SLC6A15: variants seen among roughly 807,000 people sequenced by gnomAD.
SLC6A15 encodes the protein sodium-dependent neutral amino acid transporter B(0)AT2.
Under a neutral mutation model 68.5 loss-of-function variants are expected in SLC6A15, and 33 were observed. The ratio of observed to expected loss-of-function variants is 0.48; its 90% CI spans 0.37 to 0.64. SLC6A15 has a LOEUF of 0.64. SLC6A15 is among the 30% of genes least tolerant of loss of function. The probability of loss-of-function intolerance (pLI) is 0.00; values close to 1 mark genes in which losing one functional copy is unlikely to be tolerated. For missense variants in SLC6A15, 747 were observed against 874.3 expected, an observed-to-expected ratio of 0.85 and a Z score of 1.84; for synonymous variants, 347 against 301.0, an observed-to-expected ratio of 1.15 and a Z score of -1.58.
intron 6 of SLC6A15, among the ~76,000 whole-genome samples, chr12:84,875,649 CATATATATATATATATATAT>C (rs1871485275): frequency 1.3e-5 from 1 of 74,180 alleles, no homozygotes; most frequent in Non-Finnish European, 2.5e-5. Flanking sequence ...TGGGGTGCAC[CATATATATATATATATATAT>C]ATATATATAT....
At chr12:84,875,700 G>GAATCA (rs1871499490) in intron 6 of SLC6A15, among the ~76,000 whole-genome samples, 2 of 8,500 alleles carry the variant, frequency 2.4e-4, no homozygotes, top group African/African-American at 1.3e-3. Flanking sequence ...ATATATATAT[G>GAATCA]AGAATCAAAA....
chr12:84,898,266 G>A (rs1344632129), intron 1 of SLC6A15, among the ~76,000 whole-genome samples: 3 of 152,176 alleles, frequency 2.0e-5, no homozygotes, highest in Non-Finnish European at 2.9e-5. Flanking sequence ...ACTTGAGCCA[G>A]GAGGTGGATG....
intron 1 of SLC6A15, among the ~76,000 whole-genome samples, chr12:84,904,224 G>GGAGAGAGAGAGAGAGA (rs370457657): frequency 0.13 from 15,439 of 121,490 alleles, 1,145 homozygotes; most frequent in African/African-American, 0.18. Flanking sequence ...GGGCGGAGGG[G>GGAGAGAGAGAGAGAGA]GAGAGAGAGA....
intron 6 of SLC6A15, chr12:84,874,339 A>G (rs1871419940): frequency 6.6e-6 from 1 of 152,178 alleles, no homozygotes; most frequent in African/African-American, 2.4e-5. Context: ...CACACTCTAA[A>G]AATGCTCAGT....
At chr12:84,896,409 C>T (rs962253988) in intron 1 of SLC6A15, among the ~76,000 whole-genome samples, 2 of 152,084 alleles carry the variant, frequency 1.3e-5, no homozygotes, top group Non-Finnish European at 1.5e-5. Context: ...TATCCATGCC[C>T]GTAGATTTAC....
At position 84,872,633 on chromosome 12, in the gene SLC6A15, T is replaced by C; in HGVS notation, c.1271A>G (p.Asn424Ser). Residue 424 changes from asparagine to serine, a missense_variant, in exon 8 of 12, where the codon AAT becomes AGT. Transcript: ENST00000266682. Reference sequence around the variant, plus strand: ...TAGCTCTTCTTCAATTTTACAGGAATTGAGATGAAGAGCAGGAAACTCTTC... The same window carrying C: ...TAGCTCTTCTTCAATTTTACAGGAACTGAGATGAAGAGCAGGAAACTCTTC... ...KEEEFPALHL[N>S]SCKIEEELNK... is the part of the protein sequence containing the mutation. The C allele has an allele frequency of 2.5e-6, 4 of 1,608,752 alleles. No homozygotes were observed. The highest frequency in any genetic ancestry group is 1.1e-5 in the South Asian group (1 of 89,640).
chr12:84,894,576 A>G (rs1872555305), intron 1 of SLC6A15, among the ~76,000 whole-genome samples: 1 of 152,156 alleles, frequency 6.6e-6, no homozygotes, highest in South Asian at 2.1e-4. Context: ...AAATAGTGTG[A>G]ACCATGAATC....
chr12:84,885,809 G>T lies in SLC6A15; in HGVS notation c.447+102C>A, dbSNP rs1682386923. Reference sequence around the variant, plus strand: ...TAACGTTTTCTAAAACATAGTAAAAGAGTTGTTTATTAACACACACTCCAA... The same window carrying T: ...TAACGTTTTCTAAAACATAGTAAAATAGTTGTTTATTAACACACACTCCAA... On this transcript the variant is annotated intron_variant, in intron 3 of 11. Coordinates refer to ENST00000266682, the MANE Select transcript of SLC6A15 (RefSeq NM_182767.6). 18 of 1,210,178 alleles carry T rather than the reference G, an allele frequency of 1.5e-5. No homozygotes were observed. In the South Asian group the frequency reaches 3.0e-4, roughly 20 times the overall value. The allele number at this position is 1,210,178 out of a possible 1,614,324, so 75.0% of individuals were successfully genotyped here.
chr12:84,905,283 T>C (rs1873088835), intron 1 of SLC6A15, among the ~76,000 whole-genome samples: 1 of 152,134 alleles, frequency 6.6e-6, no homozygotes, highest in African/African-American at 2.4e-5. Flanking sequence ...ATATGTGATA[T>C]ACAATAATGA....
chr12:84,865,275 G>C (rs933164732), intron 10 of SLC6A15, among the ~76,000 whole-genome samples: 1 of 152,154 alleles, frequency 6.6e-6, no homozygotes, highest in African/African-American at 2.4e-5. Context: ...AGTTAACAAG[G>C]AGTATTTTTT....
Position 84,870,494 on chromosome 12 carries a change from C to T in SLC6A15, c.1479G>A (p.Arg493=). The change falls in exon 9 of 12, where the codon AGG becomes AGA. Residue 493 remains arginine (R), a synonymous_variant. Coordinates refer to ENST00000266682, the MANE Select transcript of SLC6A15 (RefSeq NM_182767.6). ...AAAACTCACCAGTAAGAATTTCTTT[C>T]CTCACTTTGAAAGTGTCCACAATAG... is the stretch of plus-strand genomic sequence containing the variant. ...VTPIVDTFKV[R]KEILTVICCL... 2 of 1,522,002 alleles carry T rather than the reference C, an allele frequency of 1.3e-6. No individual in the cohort carries two copies. The highest frequency in any genetic ancestry group is 1.8e-6 in the Non-Finnish European group (2 of 1,133,494). The allele number at this position is 1,522,002 out of a possible 1,614,324, so 94.3% of individuals were successfully genotyped here. A position where few individuals can be genotyped will look rare whatever the true frequency, so the allele number is the denominator to read the frequency against.
chr12:84,879,470 C>A (rs1249493247), intron 5 of SLC6A15, among the ~76,000 whole-genome samples: 1 of 151,686 alleles, frequency 6.6e-6, no homozygotes, highest in Non-Finnish European at 1.5e-5. Flanking sequence ...GGATTACAGG[C>A]ACCTGCCACC....
intron 7 of SLC6A15, 121 bp from the exon 8 acceptor site, chr12:84,872,915 T>A: frequency 3.4e-6 from 4 of 1,184,996 alleles, no homozygotes; most frequent in Non-Finnish European, 3.5e-6. Flanking sequence ...AAATGATTAA[T>A]GTTTGAGGTG....
At chr12:84,888,782 G>A (rs186056192) in intron 2 of SLC6A15, among the ~76,000 whole-genome samples, 88 of 152,178 alleles carry the variant, frequency 5.8e-4, no homozygotes, top group Non-Finnish European at 9.9e-4. Context: ...TCTTTTAAGC[G>A]TGGCACGTTG....
Position 84,870,462 on chromosome 12 carries a change from A to T in SLC6A15, c.1495+16T>A. On this transcript the variant is annotated intron_variant, in intron 9 of 11. Coordinates refer to ENST00000266682, the MANE Select transcript of SLC6A15 (RefSeq NM_182767.6). ...CCTGGATTTGTTCAATGAAAAGTCA[A>T]ATACAAAAAACTCACCAGTAAGAAT... 6.6e-7 allele frequency: 1 copy of T among 1,515,292 alleles called. No homozygotes were observed. 93.9% of individuals were successfully genotyped at this position (1,515,292 alleles called of 1,614,324 possible).
chr12:84,907,332 A>G (rs1354084769), intron 1 of SLC6A15, among the ~76,000 whole-genome samples: 1 of 151,976 alleles, frequency 6.6e-6, no homozygotes, highest in Non-Finnish European at 1.5e-5. Context: ...TGGGCCACAG[A>G]GGGAGACTCC....
chr12:84,878,852 C>T (rs137874190), intron 5 of SLC6A15, among the ~76,000 whole-genome samples: 4 of 147,598 alleles, frequency 2.7e-5, no homozygotes, highest in African/African-American at 7.3e-5. Context: ...TTTGCTTCAC[C>T]TCTCAATAGC....
chr12:84,875,493 A>C (rs1209582459), intron 6 of SLC6A15, among the ~76,000 whole-genome samples: 1 of 151,716 alleles, frequency 6.6e-6, no homozygotes, highest in African/African-American at 2.4e-5. Flanking sequence ...CAGAGAAGCT[A>C]ATCCCTTATG....
At chr12:84,873,702 A>G (rs1194380793) in intron 6 of SLC6A15, among the ~76,000 whole-genome samples, 2 of 152,220 alleles carry the variant, frequency 1.3e-5, no homozygotes, top group African/African-American at 2.4e-5. Flanking sequence ...AATTACCAAT[A>G]AAAGTTAATA....
Sources: gnomAD v4.1 joint callset for allele counts (sites outside exome capture counted in the v4.1 genomes callset) on GRCh38, gnomAD v4.1.1 for gene constraint, MANE v1.5 for transcripts, NCBI Gene and HGNC (gene_info 2026-07-23, HGNC 2026-07-21) for gene names.